Variants in GRAMD1B observed in about 807,000 individuals in gnomAD.
GRAMD1B encodes the protein GRAM domain containing 1B, also known as protein Aster-B.
GRAMD1B carries 37 observed loss-of-function variants against 99.7 expected under a neutral mutation model. The observed-to-expected ratio is 0.37, with a 90% CI of 0.29 to 0.49. GRAMD1B has a LOEUF of 0.49. GRAMD1B is among the 20% of genes least tolerant of loss of function. The pLI, the probability that GRAMD1B is intolerant of heterozygous loss-of-function variation, is 0.98. For synonymous variants in GRAMD1B, 427 were observed against 387.6 expected, an observed-to-expected ratio of 1.10 and a Z score of -1.19; for missense variants, 888 against 1,009.2, an observed-to-expected ratio of 0.88 and a Z score of 1.63.
At chr11:123,384,934 T>C (rs1947005820) in intron 1 of GRAMD1B, among the ~76,000 whole-genome samples, 1 of 152,210 alleles carries the variant, frequency 6.6e-6, no homozygotes, top group African/African-American at 2.4e-5. Flanking sequence ...TGTGGCTGTG[T>C]TTCAATAAAA....
intron 2 of GRAMD1B, chr11:123,526,043 T>G: frequency 1.1e-6 from 1 of 924,954 alleles, no homozygotes. Flanking sequence ...TTACATGGGA[T>G]TCTGTTCTTT....
chr11:123,373,999 A>G (rs1946613916), intron 1 of GRAMD1B, among the ~76,000 whole-genome samples: 2 of 152,206 alleles, frequency 1.3e-5, no homozygotes, highest in African/African-American at 2.4e-5. Context: ...AGCTTTACTG[A>G]GTAGCTAGCT....
intron 2 of GRAMD1B, among the ~76,000 whole-genome samples, chr11:123,519,693 A>G (rs570769173): frequency 6.6e-6 from 1 of 152,360 alleles, no homozygotes; most frequent in Non-Finnish European, 1.5e-5. Flanking sequence ...AAAGAGGGGC[A>G]CATAGGGAGA....
At chr11:123,498,261 C>T (rs1939518767) in intron 2 of GRAMD1B, among the ~76,000 whole-genome samples, 1 of 152,220 alleles carries the variant, frequency 6.6e-6, no homozygotes, top group South Asian at 2.1e-4. Context: ...AGGTTCAAGA[C>T]AGAGTGCCCT....
chr11:123,502,367 G>C (rs1939950880), intron 2 of GRAMD1B, among the ~76,000 whole-genome samples: 1 of 152,104 alleles, frequency 6.6e-6, no homozygotes, highest in Non-Finnish European at 1.5e-5. Flanking sequence ...CCATAAAAAG[G>C]CCAGGCAATA....
At chr11:123,535,950 A>G (rs991739269) in intron 2 of GRAMD1B, among the ~76,000 whole-genome samples, 1 of 152,158 alleles carries the variant, frequency 6.6e-6, no homozygotes, top group Non-Finnish European at 1.5e-5. Flanking sequence ...GCTTCTCAGC[A>G]GGTGCCTCGT....
intron 2 of GRAMD1B, among the ~76,000 whole-genome samples, chr11:123,483,444 T>C (rs1009409252): frequency 6.0e-5 from 9 of 150,928 alleles, no homozygotes; most frequent in African/African-American, 2.2e-4. Flanking sequence ...TGAAGTGCAG[T>C]GGCGTGATCT....
chr11:123,412,755 C>G (rs60584339), intron 1 of GRAMD1B, among the ~76,000 whole-genome samples: 9,294 of 145,860 alleles, frequency 0.064, 730 homozygotes, highest in African/African-American at 0.2. Context: ...CCCATATGCC[C>G]TCTCTTCATT....
intron 7 of GRAMD1B, among the ~76,000 whole-genome samples, chr11:123,599,941 A>T (rs1951748944): frequency 6.6e-6 from 1 of 152,216 alleles, no homozygotes; most frequent in Non-Finnish European, 1.5e-5. Context: ...GATCAGTAAA[A>T]TCTTCATTAC....
intron 1 of GRAMD1B, among the ~76,000 whole-genome samples, chr11:123,374,086 A>T (rs1216607973): frequency 1.3e-5 from 2 of 152,152 alleles, no homozygotes; most frequent in African/African-American, 4.8e-5. Flanking sequence ...CTATGGTTTG[A>T]TTATTTTCCT....
intron 1 of GRAMD1B, among the ~76,000 whole-genome samples, chr11:123,384,806 T>C (rs1300720403): frequency 6.6e-6 from 1 of 152,190 alleles, no homozygotes; most frequent in Non-Finnish European, 1.5e-5. Context: ...GAAAACTTTT[T>C]CTTAAAGGAC....
intron 1 of GRAMD1B, among the ~76,000 whole-genome samples, chr11:123,422,972 G>A (rs1948506587): frequency 6.6e-6 from 1 of 152,110 alleles, no homozygotes; most frequent in South Asian, 2.1e-4. Context: ...AAGCAACTGA[G>A]GCCAGAGTCA....
rs370259530 is a variant in GRAMD1B, at chr11:123,619,165, G to A, written c.2485G>A (p.Asp829Asn). 7.0e-6 allele frequency: 11 copies of A among 1,571,120 alleles called. No homozygotes were observed. Among genetic ancestry groups the A allele is most frequent in the South Asian group, 4.7e-5 (4 of 85,080 alleles). ...QLLESQQKYH[D>N]TELQKWREII... ...CTTAGAGTCCCAACAAAAGTACCAC[G>A]ATACTGAGCTCCAAAAATGGAGGGA... is the stretch of plus-strand genomic sequence containing the variant. The change falls in exon 19 of 20, where the codon GAT becomes AAT. Residue 829 changes from aspartate to asparagine, a missense_variant. This residue lies in a region of GRAMD1B where 232 missense variants were observed against 261.7 expected (regional missense o/e 0.89). Coordinates refer to ENST00000635736, the MANE Select transcript of GRAMD1B (RefSeq NM_001387025.1).
chr11:123,569,767 G>A (rs1297571218), intron 2 of GRAMD1B, among the ~76,000 whole-genome samples: 4 of 152,228 alleles, frequency 2.6e-5, no homozygotes, highest in African/African-American at 9.6e-5. Context: ...GATAGGACGT[G>A]TGTAACTGGA....
chr11:123,392,734 T>C (rs1714974980), intron 1 of GRAMD1B, among the ~76,000 whole-genome samples: 1 of 152,140 alleles, frequency 6.6e-6, no homozygotes, highest in African/African-American at 2.4e-5. Flanking sequence ...AAAGGCAGGA[T>C]TTATTCCTTG....
intron 2 of GRAMD1B, among the ~76,000 whole-genome samples, chr11:123,530,526 G>A (rs1344683030): frequency 6.6e-6 from 1 of 152,022 alleles, no homozygotes; most frequent in African/African-American, 2.4e-5. Context: ...GATTACAGGC[G>A]CCCGCCACCA....
chr11:123,452,195 A>G (rs1165993663), intron 1 of GRAMD1B, among the ~76,000 whole-genome samples: 1 of 152,212 alleles, frequency 6.6e-6, no homozygotes, highest in Non-Finnish European at 1.5e-5. Flanking sequence ...GAACAAATGT[A>G]AAAATTTAAA....
chr11:123,441,698 A>G (rs1470748694), intron 1 of GRAMD1B, among the ~76,000 whole-genome samples: 1 of 152,166 alleles, frequency 6.6e-6, no homozygotes, highest in Non-Finnish European at 1.5e-5. Context: ...TCAGAGGCAG[A>G]AGTGGGAAGA....
At chr11:123,620,472 CAAAA>C (rs55787871) in intron 19 of GRAMD1B, among the ~76,000 whole-genome samples, 32 of 69,232 alleles carry the variant, frequency 4.6e-4, no homozygotes, top group Admixed American at 3.2e-3. Flanking sequence ...GACTTCATCT[CAAAA>C]AAAAAAAAAA....
Sources: allele counts gnomAD v4.1 joint callset (sites outside exome capture counted in the v4.1 genomes callset), GRCh38; gene constraint gnomAD v4.1.1; regional missense constraint gnomAD v4.1.1; transcripts MANE v1.5; gene names NCBI Gene and HGNC (gene_info 2026-07-23, HGNC 2026-07-21).